Variants in MECOM observed in about 807,000 individuals in gnomAD.
MECOM encodes the protein MDS1 and EVI1 complex locus, also known as histone-lysine N-methyltransferase MECOM.
A neutral mutation model predicts 116.3 loss-of-function variants in MECOM; 13 were observed. That is an observed-to-expected ratio of 0.11 (90% CI 0.07 to 0.18). The LOEUF (loss-of-function observed/expected upper bound fraction) is 0.18, where lower values mean the gene tolerates loss of function less well. Among genes scored for constraint, MECOM ranks in the 10% least tolerant of loss-of-function variants. The probability of loss-of-function intolerance (pLI) is 1.00; values close to 1 mark genes in which losing one functional copy is unlikely to be tolerated. For synonymous variants in MECOM, 528 were observed against 535.2 expected (o/e 0.99, Z 0.19); for missense variants, 1,299 against 1,509.0 (o/e 0.86, Z 2.31).
rs1172942636 is a variant in MECOM, at chr3:169,452,464, GAGTC to G, written c.38-70944_38-70941del. 5.3e-5 allele frequency among the ~76,000 whole-genome samples: 8 copies of G among 152,218 alleles called. No individual in the cohort carries two copies. The East Asian group carries it at 1.5e-3, about 29-fold the overall frequency. ...AATTATATTATGCATCTTCCTTCATGAGTCAGTCAGAATTTAGAAGATATTTACA... is the reference window on the plus strand; with the variant it reads ...AATTATATTATGCATCTTCCTTCATGAGTCAGAATTTAGAAGATATTTACA... On this transcript the variant is annotated intron_variant, in intron 1 of 16. Coordinates refer to ENST00000651503, the MANE Select transcript of MECOM (RefSeq NM_004991.4).
At chr3:169,290,708 G>C (rs1321760564) in intron 2 of MECOM, among the ~76,000 whole-genome samples, 1 of 152,152 alleles carries the variant, frequency 6.6e-6, no homozygotes, top group Non-Finnish European at 1.5e-5. Context: ...GAATAGAATT[G>C]TACCATAAAA....
intron 1 of MECOM, among the ~76,000 whole-genome samples, chr3:169,498,731 C>T (rs1754144284): frequency 6.6e-6 from 1 of 152,106 alleles, no homozygotes; most frequent in South Asian, 2.1e-4. Flanking sequence ...AAAATCAGCA[C>T]TGTAAAGGTA....
At chr3:169,147,454 C>T (rs1001546547) in intron 2 of MECOM, 1 of 985,298 alleles carries the variant, frequency 1.0e-6, no homozygotes, top group African/African-American at 1.7e-5. Context: ...AGCTATCTCC[C>T]GCCGCCCAGA....
chr3:169,537,920 G>A (rs923564008), intron 1 of MECOM, among the ~76,000 whole-genome samples: 31 of 152,008 alleles, frequency 2.0e-4, no homozygotes, highest in African/African-American at 6.3e-4. Context: ...ATTATAAAAC[G>A]ATTACCCCCA....
chr3:169,126,018 A>T (rs940027497), intron 5 of MECOM, among the ~76,000 whole-genome samples: 2 of 152,140 alleles, frequency 1.3e-5, no homozygotes, highest in Admixed American at 1.3e-4. Context: ...ATAACCAAAA[A>T]TACCAGTTGG....
intron 2 of MECOM, among the ~76,000 whole-genome samples, chr3:169,263,116 TATATA>T (rs1757785984): frequency 1.0e-5 from 1 of 100,040 alleles, no homozygotes; most frequent in African/African-American, 5.1e-5. Flanking sequence ...TATATATATA[TATATA>T]TATATATGTT....
chr3:169,459,305 A>C (rs558848527), intron 1 of MECOM, among the ~76,000 whole-genome samples: 2 of 152,354 alleles, frequency 1.3e-5, no homozygotes, highest in South Asian at 4.1e-4. Flanking sequence ...TGAGTCAAGC[A>C]GTTACTATGA....
chr3:169,326,670 T>A (rs1721876726), intron 2 of MECOM, among the ~76,000 whole-genome samples: 1 of 152,190 alleles, frequency 6.6e-6, no homozygotes, highest in Admixed American at 6.5e-5. Context: ...TTTTTGTAGA[T>A]CAGCAAGTTA....
chr3:169,246,319 A>G (rs1755575849), intron 2 of MECOM, among the ~76,000 whole-genome samples: 1 of 152,114 alleles, frequency 6.6e-6, no homozygotes, highest in African/African-American at 2.4e-5. Context: ...GGAAGACTAT[A>G]TTTGCACATC....
intron 10 of MECOM, 112 bp downstream of exon 10, chr3:169,107,814 C>G: frequency 1.2e-6 from 1 of 819,634 alleles, no homozygotes; most frequent in Admixed American, 2.5e-5. Context: ...AACCATATCA[C>G]GTAATGGAAA....
intron 1 of MECOM, among the ~76,000 whole-genome samples, chr3:169,395,428 T>C (rs1404666171): frequency 6.6e-6 from 1 of 152,160 alleles, no homozygotes; most frequent in Non-Finnish European, 1.5e-5. Flanking sequence ...CTTAGTCTGC[T>C]TAAAGGTACG....
intron 1 of MECOM, among the ~76,000 whole-genome samples, chr3:169,582,851 A>C (rs1484834886): frequency 6.6e-6 from 1 of 152,198 alleles, no homozygotes; most frequent in Non-Finnish European, 1.5e-5. Context: ...TTAAACACTT[A>C]GGGTTTTCTT....
intron 1 of MECOM, among the ~76,000 whole-genome samples, chr3:169,490,133 T>A (rs75397897): frequency 0.022 from 3,325 of 152,280 alleles, 135 homozygotes; most frequent in African/African-American, 0.076. Flanking sequence ...GAAAGTCAAA[T>A]GAGACTTTGC....
chr3:169,158,066 AC>A (rs138847486), intron 2 of MECOM, among the ~76,000 whole-genome samples: 1 of 152,034 alleles, frequency 6.6e-6, no homozygotes, highest in East Asian at 1.9e-4. Flanking sequence ...ATATTCCTCC[AC>A]CCCACATCCA....
intron 1 of MECOM, among the ~76,000 whole-genome samples, chr3:169,531,681 T>G (rs7643895): frequency 0.059 from 8,913 of 152,124 alleles, 841 homozygotes; most frequent in African/African-American, 0.2. Context: ...AGCAGGAGAG[T>G]TAATGACTAC....
chr3:169,511,768 T>TA lies in MECOM; in HGVS notation c.38-130245dup, dbSNP rs566797659. ...TGGGCAACAGAGTTAGACTCTGTCT[T>TA]AAAAAAAAAAAGCACAAAAAAAAAT... is the stretch of plus-strand genomic sequence containing the variant. On this transcript the variant is annotated intron_variant, in intron 1 of 16. Coordinates refer to ENST00000651503, the MANE Select transcript of MECOM (RefSeq NM_004991.4). 9.6e-3 allele frequency among the ~76,000 whole-genome samples: 1,376 copies of TA among 144,002 alleles called. 8 individuals carry two copies. The highest frequency in any genetic ancestry group is 0.027 in the African/African-American group (1,048 of 39,440). 94.5% of individuals were successfully genotyped at this position (144,002 alleles called of 152,430 possible).
At chr3:169,580,721 G>T (rs760842082) in intron 1 of MECOM, among the ~76,000 whole-genome samples, 3 of 152,210 alleles carry the variant, frequency 2.0e-5, no homozygotes, top group Non-Finnish European at 4.4e-5. Context: ...CATTACCACA[G>T]AATTAAATCA....
intron 1 of MECOM, among the ~76,000 whole-genome samples, chr3:169,453,573 G>A: frequency 6.6e-6 from 1 of 152,096 alleles, no homozygotes; most frequent in East Asian, 1.9e-4. Flanking sequence ...TTACTAAATT[G>A]GGGTTAAGGC....
At chr3:169,239,748 A>G (rs1209117586) in intron 2 of MECOM, among the ~76,000 whole-genome samples, 2 of 152,160 alleles carry the variant, frequency 1.3e-5, no homozygotes, top group African/African-American at 4.8e-5. Flanking sequence ...CCTCAGTTAC[A>G]TTTTAAAAAT....
Sources: gnomAD v4.1 joint callset for allele counts (sites outside exome capture counted in the v4.1 genomes callset) on GRCh38, gnomAD v4.1.1 for gene constraint, MANE v1.5 for transcripts, NCBI Gene and HGNC (gene_info 2026-07-23, HGNC 2026-07-21) for gene names.